The following VPS33A variants were observed in gnomAD, a reference collection of about 807,000 sequenced individuals.
VPS33A encodes vacuolar protein sorting-associated protein 33A.
VPS33A carries 32 observed loss-of-function variants against 71.8 expected under a neutral mutation model. The observed-to-expected ratio is 0.45, with a 90% CI of 0.34 to 0.60. The LOEUF (loss-of-function observed/expected upper bound fraction) is 0.60. Among genes scored for constraint, VPS33A ranks in the 20% least tolerant of loss-of-function variants. The pLI, the probability that VPS33A is intolerant of heterozygous loss-of-function variation, is 0.02. For missense variants in VPS33A, 625 were observed against 748.5 expected (o/e 0.84, Z 1.92); for synonymous variants, 311 against 292.7 (o/e 1.06, Z -0.64).
In VPS33A at chr12:122,261,393, A is replaced by T. The variant is rs1036730940; in HGVS notation, c.351T>A (p.Arg117=). 1.2e-6 allele frequency: 2 copies of T among 1,613,860 alleles called. No individual in the cohort carries two copies. Among genetic ancestry groups the T allele is most frequent in the Admixed American group, 1.7e-5 (1 of 59,874 alleles). ...RDFHILFVPR[R]SLLCEQRLKD... is the part of the protein sequence containing the mutation. Reference sequence around the variant, plus strand: ...TCAACCGCTGTTCGCACAACAGGCTACGGCGTGGCACAAACAGAATATGAA... The same window carrying T: ...TCAACCGCTGTTCGCACAACAGGCTTCGGCGTGGCACAAACAGAATATGAA... Residue 117 remains arginine, a synonymous_variant, in exon 4 of 13, where the codon CGT becomes CGA. Transcript: ENST00000267199.
chr12:122,236,667 C>T (rs1342330736), intron 10 of VPS33A, among the ~76,000 whole-genome samples: 1 of 152,188 alleles, frequency 6.6e-6, no homozygotes, highest in East Asian at 1.9e-4. Flanking sequence ...GTAGCCAACA[C>T]TTATAAAATA....
At position 122,231,696 on chromosome 12, in the gene VPS33A, T is replaced by G. The variant is rs1387896668; in HGVS notation, c.*550A>C. On this transcript the variant is annotated 3_prime_UTR_variant, in exon 13 of 13. Coordinates refer to ENST00000267199, the MANE Select transcript of VPS33A (RefSeq NM_022916.6). ...TTCCAGAGGTCTCTAATGAAGACCC[T>G]GAGCTTAGAAAACTCAAAACCAGTG... 1 of 158,366 alleles carries G rather than the reference T, an allele frequency of 6.3e-6. No individual in the cohort carries two copies. Among genetic ancestry groups the G allele is most frequent in the African/African-American group, 2.4e-5 (1 of 41,800 alleles). The allele number at this position is 158,366 out of a possible 1,614,324, so 9.8% of individuals were successfully genotyped here.
At chr12:122,244,834 A>G (rs1954757549) in intron 6 of VPS33A, 72 bp from the exon 7 acceptor site, 5 of 1,483,662 alleles carry the variant, frequency 3.4e-6, no homozygotes, top group South Asian at 1.3e-5. Flanking sequence ...ACCAAGCACA[A>G]AACAGAATTT....
rs57522920 is a variant in VPS33A, at chr12:122,238,770, T to TACACACACACACACACACACAC, written c.1165-68_1165-47dup. 1.3e-5 allele frequency: 11 copies of TACACACACACACACACACACAC among 872,998 alleles called. No homozygotes were observed. The African/African-American group carries it at 1.9e-4, about 15-fold the overall frequency. 54.1% of individuals were successfully genotyped at this position (872,998 alleles called of 1,614,324 possible). On this transcript the variant is annotated intron_variant, in intron 9 of 12. Coordinates refer to ENST00000267199, the MANE Select transcript of VPS33A (RefSeq NM_022916.6). ...ATATACATATACATTTACATATACA[T>TACACACACACACACACACACAC]ACACACACACACACACACACACACA...
chr12:122,244,636 T>C lies in VPS33A; in HGVS notation c.902A>G (p.Asp301Gly). The change falls in exon 7 of 13, where the codon GAT (aspartate) becomes GGT (glycine). Residue 301 changes from aspartate (D) to glycine (G), a missense_variant. By Grantham distance (94) the Asp-to-Gly change is moderately conservative (BLOSUM62 -1). Transcript: ENST00000267199. ...AGAGCCAACTGCGTTGAAGTTCTTA[T>C]CTCGGATCTCAGCATAGAGCTCCTC... Reference protein sequence around the residue: ...SAEELYAEIRDKNFNAVGSVL... With the variant: ...SAEELYAEIRGKNFNAVGSVL... 1 of 1,614,176 alleles carries C rather than the reference T, an allele frequency of 6.2e-7. No homozygotes were observed.
At chr12:122,239,656 G>A (rs985045340) in intron 9 of VPS33A, among the ~76,000 whole-genome samples, 4 of 149,988 alleles carry the variant, frequency 2.7e-5, no homozygotes, top group Admixed American at 6.7e-5. Flanking sequence ...GCGTCAACCC[G>A]GGAGGCGGAG....
Position 122,244,664 on chromosome 12 carries a change from C to A in VPS33A, c.874G>T (p.Ala292Ser), listed in dbSNP as rs373704049. 5.0e-6 allele frequency: 8 copies of A among 1,614,042 alleles called. No homozygotes were observed. The African/African-American group carries it at 1.1e-4, about 22-fold the overall frequency. ...CGGATCTCAGCATAGAGCTCCTCTG[C>A]AGAATTCAGCTGCAGCTTCTTTGCT... is the stretch of plus-strand genomic sequence containing the variant. ...TEAKKLQLNS[A>S]EELYAEIRDK... The change falls in exon 7 of 13, where the codon GCA (alanine) becomes TCA (serine). Residue 292 changes from alanine (A) to serine (S), a missense_variant. Ala to Ser is a moderately conservative substitution (Grantham distance 99). Coordinates refer to ENST00000267199, the MANE Select transcript of VPS33A (RefSeq NM_022916.6).
chr12:122,231,505 G>A lies in VPS33A; in HGVS notation c.*741C>T, dbSNP rs968452547. 2.0e-5 allele frequency: 3 copies of A among 152,150 alleles called. No homozygotes were observed. Among genetic ancestry groups the A allele is most frequent in the Non-Finnish European group, 4.4e-5 (3 of 68,028 alleles). The allele number at this position is 152,150 out of a possible 1,614,324, so 9.4% of individuals were successfully genotyped here. ...CTCCAGCTCCCAACACTTAACCACT[G>A]TCCTAGGCCTGATGCGCCTTGAAGA... On this transcript the variant is annotated 3_prime_UTR_variant, in exon 13 of 13. Transcript: ENST00000267199.
intron 8 of VPS33A, 54 bp downstream of exon 8, chr12:122,242,328 C>T (rs1444813481): frequency 2.1e-5 from 34 of 1,589,476 alleles, no homozygotes; most frequent in East Asian, 6.8e-5. Context: ...AGGTGTCAAA[C>T]GTTGTATGTG....
chr12:122,237,666 C>T (rs1954648181), intron 10 of VPS33A, among the ~76,000 whole-genome samples: 1 of 137,664 alleles, frequency 7.3e-6, no homozygotes, highest in Non-Finnish European at 1.5e-5. Flanking sequence ...GCCTCAGCCT[C>T]CCGAGTAGCT....
rs183510383 is a variant in VPS33A at position 122,251,036 on chromosome 12, G to A, written c.547C>T (p.Gln183Ter). 6.2e-7 allele frequency: 1 copy of A among 1,614,166 alleles called. No individual in the cohort carries two copies. The highest frequency in any genetic ancestry group is 1.7e-5 in the Admixed American group (1 of 60,020). ...TGGGGGATCGTTCCATACAGAGCTTGCAGGGTCATCAGCCCCTTGGCTGCG... is the reference window on the plus strand; with the variant it reads ...TGGGGGATCGTTCCATACAGAGCTTACAGGGTCATCAGCCCCTTGGCTGCG... Reference protein sequence around the residue: ...YHAAKGLMTLQALYGTIPQIF... With the variant: ...YHAAKGLMTL The change falls in exon 5 of 13, where the codon CAA becomes TAA. Residue 183 changes from glutamine (Q) to a stop codon, truncating the protein, a stop_gained. Coordinates refer to ENST00000267199, the MANE Select transcript of VPS33A (RefSeq NM_022916.6). LOFTEE classifies it high-confidence loss of function.
At chr12:122,264,033 G>T in intron 2 of VPS33A, 101 bp downstream of exon 2, 2 of 1,083,536 alleles carry the variant, frequency 1.8e-6, no homozygotes, top group Non-Finnish European at 1.3e-6. Flanking sequence ...AGACCAAACA[G>T]CTTTGCAAAC....
intron 4 of VPS33A, among the ~76,000 whole-genome samples, chr12:122,260,940 GCTCCA>G (rs1181585692): frequency 1.3e-5 from 2 of 152,124 alleles, no homozygotes; most frequent in Non-Finnish European, 2.9e-5. Context: ...GCGCCACTGC[GCTCCA>G]GCCCGGGCGA....
At chr12:122,234,534 C>T (rs980839814) in intron 11 of VPS33A, among the ~76,000 whole-genome samples, 7 of 152,096 alleles carry the variant, frequency 4.6e-5, no homozygotes, top group African/African-American at 1.7e-4. Context: ...TCAAGTGATC[C>T]TCCTGCCTTG....
chr12:122,240,502 C>T (rs1372142202), intron 8 of VPS33A, among the ~76,000 whole-genome samples: 1 of 152,048 alleles, frequency 6.6e-6, no homozygotes, highest in Non-Finnish European at 1.5e-5. Flanking sequence ...CAGTACAGAC[C>T]CCAGAATGAG....
At position 122,242,373 on chromosome 12, in the gene VPS33A, G is replaced by T. The variant is rs1954726116; in HGVS notation, c.1096+9C>A. 1.2e-6 allele frequency: 2 copies of T among 1,611,138 alleles called. No homozygotes were observed. The highest frequency in any genetic ancestry group is 1.7e-6 in the Non-Finnish European group (2 of 1,177,532). ...CCAGACTGAAACAATCATTACAAAG[G>T]ATACTCACTAGTGACATCTTTGATC... is the stretch of plus-strand genomic sequence containing the variant. On this transcript the variant is annotated intron_variant, in intron 8 of 12. Transcript: ENST00000267199.
chr12:122,261,740 T>C (rs563073882), intron 3 of VPS33A, among the ~76,000 whole-genome samples: 101 of 151,780 alleles, frequency 6.7e-4, no homozygotes, highest in Non-Finnish European at 1.2e-3. Context: ...CAGTGGCTCA[T>C]GCCTGTAATC....
At chr12:122,253,985 C>A (rs926120193) in intron 4 of VPS33A, among the ~76,000 whole-genome samples, 1 of 151,916 alleles carries the variant, frequency 6.6e-6, no homozygotes, top group Non-Finnish European at 1.5e-5. Flanking sequence ...CAGCCCAATA[C>A]CCTTAACATT....
At chr12:122,246,290 T>A (rs943668897) in intron 6 of VPS33A, among the ~76,000 whole-genome samples, 1 of 150,836 alleles carries the variant, frequency 6.6e-6, no homozygotes, top group African/African-American at 2.5e-5. Flanking sequence ...CTCTCTCTTA[T>A]TTTATTTATT....
Sources: gnomAD v4.1 joint callset for allele counts (sites outside exome capture counted in the v4.1 genomes callset) on GRCh38, gnomAD v4.1.1 for gene constraint, MANE v1.5 for transcripts, NCBI Gene and HGNC (gene_info 2026-07-23, HGNC 2026-07-21) for gene names.